Variants in GPR176 observed in about 807,000 individuals in gnomAD.
GPR176 encodes the protein G-protein coupled receptor 176.
GPR176 carries 26 observed loss-of-function variants against 35.4 expected under a neutral mutation model. That is an observed-to-expected ratio of 0.74 (90% CI 0.54 to 1.02). The LOEUF (loss-of-function observed/expected upper bound fraction) is 1.02, where lower values mean the gene tolerates loss of function less well. Ranked by LOEUF, GPR176 falls within the 50% of genes least tolerant of loss-of-function variation. GPR176 has a pLI of 0.00. For synonymous variants in GPR176, 278 were observed against 271.3 expected (o/e 1.02, Z -0.24); for missense variants, 597 against 665.3 (o/e 0.90, Z 1.13).
intron 1 of GPR176, among the ~76,000 whole-genome samples, chr15:39,865,433 G>A (rs1266443960): frequency 6.6e-6 from 1 of 152,114 alleles, no homozygotes; most frequent in Non-Finnish European, 1.5e-5. Context: ...AGTATCTTAA[G>A]TGAAACAAAT....
chr15:39,888,659 A>T (rs1277793966), intron 1 of GPR176, among the ~76,000 whole-genome samples: 1 of 152,226 alleles, frequency 6.6e-6, no homozygotes, highest in Non-Finnish European at 1.5e-5. Context: ...AAAGGTAAAG[A>T]GAACATTTTT....
At chr15:39,821,219 G>GT (rs1900252248) in intron 1 of GPR176, among the ~76,000 whole-genome samples, 1 of 152,090 alleles carries the variant, frequency 6.6e-6, no homozygotes, top group Admixed American at 6.5e-5. Flanking sequence ...CTATTAGCCT[G>GT]TTTAATGCAG....
At chr15:39,906,548 C>A (rs946766844) in intron 1 of GPR176, among the ~76,000 whole-genome samples, 1 of 152,242 alleles carries the variant, frequency 6.6e-6, no homozygotes, top group Non-Finnish European at 1.5e-5. Context: ...GCTATAAGGA[C>A]ATCCCCCACA....
At chr15:39,909,761 G>T in intron 1 of GPR176, 1 of 197,642 alleles carries the variant, frequency 5.1e-6, no homozygotes, top group Non-Finnish European at 9.1e-6. Context: ...GCTGATATCT[G>T]AAGGGATGAT....
chr15:39,841,429 G>A (rs1770588688), intron 1 of GPR176, among the ~76,000 whole-genome samples: 2 of 151,114 alleles, frequency 1.3e-5, no homozygotes, highest in African/African-American at 2.4e-5. Context: ...GAGAATTATG[G>A]TGGGCCCTAA....
At chr15:39,892,663 G>A (rs1210375750) in intron 1 of GPR176, among the ~76,000 whole-genome samples, 3 of 152,212 alleles carry the variant, frequency 2.0e-5, no homozygotes, top group Non-Finnish European at 4.4e-5. Flanking sequence ...AGAAGCCCAT[G>A]TGACCACAGA....
intron 1 of GPR176, among the ~76,000 whole-genome samples, chr15:39,842,724 C>T (rs565327120): frequency 1.1e-4 from 16 of 152,060 alleles, no homozygotes; most frequent in Non-Finnish European, 2.4e-4. Context: ...TCTTAGACTT[C>T]CGTGCCTCTA....
chr15:39,918,375 C>T (rs973412015), intron 1 of GPR176, among the ~76,000 whole-genome samples: 1 of 152,122 alleles, frequency 6.6e-6, no homozygotes, highest in African/African-American at 2.4e-5. Context: ...AATTTCTCCT[C>T]CCAACACCAC....
At chr15:39,888,230 GC>G in intron 1 of GPR176, among the ~76,000 whole-genome samples, 1 of 152,040 alleles carries the variant, frequency 6.6e-6, no homozygotes, top group South Asian at 2.1e-4. Context: ...TTAACTTCTT[GC>G]TTTTCTCTTG....
intron 2 of GPR176, among the ~76,000 whole-genome samples, chr15:39,804,323 T>C (rs1463325084): frequency 6.6e-6 from 1 of 152,210 alleles, no homozygotes; most frequent in Non-Finnish European, 1.5e-5. Flanking sequence ...GAAAAGACTG[T>C]CTTCTCTTCT....
intron 1 of GPR176, among the ~76,000 whole-genome samples, chr15:39,808,899 T>TAAGTATGAAACTGGGA (rs1222117000): frequency 2.0e-5 from 3 of 152,166 alleles, no homozygotes; most frequent in African/African-American, 7.2e-5. Flanking sequence ...TCACAGTGCA[T>TAAGTATGAAACTGGGA]AAGTATGAAA....
chr15:39,872,374 G>C (rs887290882), intron 1 of GPR176, among the ~76,000 whole-genome samples: 1 of 152,062 alleles, frequency 6.6e-6, no homozygotes, highest in African/African-American at 2.4e-5. Context: ...TGAGAAGGAG[G>C]AGTACAGGCT....
chr15:39,804,251 T>C (rs978617755), intron 2 of GPR176, among the ~76,000 whole-genome samples: 3 of 152,130 alleles, frequency 2.0e-5, no homozygotes, highest in Admixed American at 6.5e-5. Context: ...GAAGTGTAGA[T>C]GACCTCCCGA....
chr15:39,914,642 G>A (rs528093342), intron 1 of GPR176, among the ~76,000 whole-genome samples: 1 of 152,224 alleles, frequency 6.6e-6, no homozygotes, highest in East Asian at 1.9e-4. Context: ...AGTCTGCTAG[G>A]TTTTTAGGCA....
intron 1 of GPR176, among the ~76,000 whole-genome samples, chr15:39,918,011 C>T (rs564607512): frequency 4.1e-5 from 6 of 145,838 alleles, no homozygotes; most frequent in African/African-American, 1.5e-4. Context: ...TGCCATTGCA[C>T]TCCAGCCTGG....
chr15:39,913,346 A>C (rs1432477713), intron 1 of GPR176, among the ~76,000 whole-genome samples: 1 of 152,068 alleles, frequency 6.6e-6, no homozygotes, highest in Non-Finnish European at 1.5e-5. Flanking sequence ...GGAGTTTGAG[A>C]CCAGCCTGGG....
intron 1 of GPR176, among the ~76,000 whole-genome samples, chr15:39,811,823 G>A (rs1899581031): frequency 6.6e-6 from 1 of 152,092 alleles, no homozygotes. Flanking sequence ...GGCTGAGGCA[G>A]GAGAATGGCG....
chr15:39,859,623 A>G (rs186518413), intron 1 of GPR176, among the ~76,000 whole-genome samples: 18 of 152,364 alleles, frequency 1.2e-4, no homozygotes, highest in African/African-American at 3.8e-4. Flanking sequence ...TTCTCAAAAA[A>G]TTAAAAGTAG....
rs1307968422 is a variant in GPR176, at chr15:39,879,900, AT to A, written c.172+39954del. The stretch of plus-strand genomic sequence containing the variant: ...ATCAGCCTCCAGGTAACTCCTTCTC[AT>A]TTGCTAAAGATTTTAGTATCTGACT... On this transcript the variant is annotated intron_variant, in intron 1 of 2. Transcript: ENST00000561100. Among the ~76,000 whole-genome samples, 5 of 152,112 alleles carry A rather than the reference AT, an allele frequency of 3.3e-5. No individual in the cohort carries two copies. The East Asian group carries it at 9.7e-4, about 29-fold the overall frequency.
Sources: gnomAD v4.1 joint callset for allele counts (sites outside exome capture counted in the v4.1 genomes callset) on GRCh38, gnomAD v4.1.1 for gene constraint, MANE v1.5 for transcripts, NCBI Gene and HGNC (gene_info 2026-07-23, HGNC 2026-07-21) for gene names.